The following CDH4 variants were observed in gnomAD, a reference collection of about 807,000 sequenced individuals.
The protein encoded by CDH4 is cadherin 4.
CDH4 carries 33 observed loss-of-function variants against 86.0 expected under a neutral mutation model. The observed-to-expected ratio is 0.38, with a 90% confidence interval of 0.29 to 0.51. CDH4 has a LOEUF of 0.51. Ranked by LOEUF, CDH4 falls within the 20% of genes least tolerant of loss-of-function variation. The pLI, the probability that CDH4 is intolerant of heterozygous loss-of-function variation, is 0.86. For missense variants in CDH4, 1,114 were observed against 1,307.4 expected (o/e 0.85, Z 2.28); for synonymous variants, 555 against 549.4 (o/e 1.01, Z -0.14).
intron 2 of CDH4, among the ~76,000 whole-genome samples, chr20:61,723,972 T>C (rs1454387411): frequency 2.0e-5 from 2 of 101,338 alleles, no homozygotes; most frequent in East Asian, 3.4e-4. Flanking sequence ...GGAGGCTCCA[T>C]GTGGCAGGGG....
rs541569655 is a variant in CDH4, at chr20:61,595,130, G to C, written c.170-148433G>C. ...AATCAGGACCTGTGCAGCGCCCCAG[G>C]ACCTCCCACCCTTGGGTCCACCTGA... On this transcript the variant is annotated intron_variant, in intron 2 of 15. Transcript: ENST00000614565. Among the ~76,000 whole-genome samples the C allele has an allele frequency of 1.3e-4, 20 of 152,328 alleles. No homozygotes were observed. In the South Asian group the frequency reaches 4.1e-3, roughly 32 times the overall value.
chr20:61,869,534 G>A (rs1352426134), intron 6 of CDH4, among the ~76,000 whole-genome samples: 1 of 152,172 alleles, frequency 6.6e-6, no homozygotes, highest in African/African-American at 2.4e-5. Context: ...CTCGTCTGTG[G>A]GATTCAGTTT....
intron 2 of CDH4, among the ~76,000 whole-genome samples, chr20:61,693,987 G>A (rs1478714059): frequency 6.8e-6 from 1 of 146,632 alleles, no homozygotes; most frequent in East Asian, 2.0e-4. Context: ...CCACCTCCCA[G>A]GTTCAAGCGA....
chr20:61,838,416 C>A (rs1299540727), intron 4 of CDH4, among the ~76,000 whole-genome samples: 1 of 152,124 alleles, frequency 6.6e-6, no homozygotes, highest in Non-Finnish European at 1.5e-5. Flanking sequence ...CCAAGAAGCT[C>A]AAGCAGGAGC....
At chr20:61,408,627 A>C (rs2085097588) in intron 2 of CDH4, among the ~76,000 whole-genome samples, 1 of 152,158 alleles carries the variant, frequency 6.6e-6, no homozygotes, top group African/African-American at 2.4e-5. Context: ...AGTGAGCGTC[A>C]TGGAGACAGT....
In CDH4 at chr20:61,418,951, T is replaced by C. The variant is rs1251929388; in HGVS notation, c.169+164014T>C. Among the ~76,000 whole-genome samples the C allele has an allele frequency of 2.6e-5, 4 of 152,300 alleles. No individual in the cohort carries two copies. In the East Asian group the frequency reaches 7.7e-4, roughly 29 times the overall value. ...ATCTCTGCCTTGGCCCTCATACCAC[T>C]TTTTCTGTGTGTCTGTGACTTCTCT... On this transcript the variant is annotated intron_variant, in intron 2 of 15. Transcript: ENST00000614565.
At chr20:61,812,745 CG>C (rs1349187816) in intron 4 of CDH4, among the ~76,000 whole-genome samples, 1 of 152,194 alleles carries the variant, frequency 6.6e-6, no homozygotes, top group Non-Finnish European at 1.5e-5. Flanking sequence ...GCATTTTCCA[CG>C]ATTTGCATTT....
intron 2 of CDH4, among the ~76,000 whole-genome samples, chr20:61,534,082 A>G (rs182644515): frequency 4.3e-4 from 65 of 152,376 alleles, no homozygotes; most frequent in African/African-American, 1.5e-3. Context: ...CTCAATTTCT[A>G]TCTTAAATCA....
chr20:61,863,447 G>A (rs112683783), intron 6 of CDH4, among the ~76,000 whole-genome samples: 3 of 152,166 alleles, frequency 2.0e-5, no homozygotes, highest in African/African-American at 7.2e-5. Context: ...AACTCACCTG[G>A]GCACCCCAGG....
intron 7 of CDH4, among the ~76,000 whole-genome samples, chr20:61,884,017 G>A (rs150285686): frequency 6.6e-5 from 10 of 152,178 alleles, no homozygotes; most frequent in Non-Finnish European, 7.4e-5. Flanking sequence ...CCCAACAGCA[G>A]GCCGAGGGAG....
At chr20:61,453,645 G>A (rs2085391982) in intron 2 of CDH4, among the ~76,000 whole-genome samples, 2 of 152,200 alleles carry the variant, frequency 1.3e-5, no homozygotes, top group South Asian at 2.1e-4. Flanking sequence ...TCTGCAGGCT[G>A]TAGATTTGAT....
intron 2 of CDH4, among the ~76,000 whole-genome samples, chr20:61,464,796 G>T (rs1169321122): frequency 6.6e-6 from 1 of 152,180 alleles, no homozygotes; most frequent in Non-Finnish European, 1.5e-5. Context: ...AGCATCCACT[G>T]GGGGGTGGAG....
intron 2 of CDH4, among the ~76,000 whole-genome samples, chr20:61,288,623 C>T (rs529505188): frequency 5.9e-5 from 9 of 152,316 alleles, no homozygotes; most frequent in Admixed American, 3.9e-4. Flanking sequence ...GCGGTTACCA[C>T]GGGGCCAGGC....
chr20:61,600,043 CCTCT>C (rs1285247512), intron 2 of CDH4: 21 of 790,418 alleles, frequency 2.7e-5, no homozygotes, highest in Non-Finnish European at 3.1e-5. Context: ...AATTTAAGAG[CCTCT>C]CTATTTGAAC....
chr20:61,851,162 T>A (rs1982708668), intron 5 of CDH4, among the ~76,000 whole-genome samples: 1 of 152,150 alleles, frequency 6.6e-6, no homozygotes, highest in African/African-American at 2.4e-5. Flanking sequence ...TGTTTAAACA[T>A]GATATGTAAA....
chr20:61,381,451 A>G (rs1310492817), intron 2 of CDH4, among the ~76,000 whole-genome samples: 1 of 152,244 alleles, frequency 6.6e-6, no homozygotes, highest in Non-Finnish European at 1.5e-5. Context: ...TAACAAAAAC[A>G]TCCACTTAGC....
intron 2 of CDH4, among the ~76,000 whole-genome samples, chr20:61,300,783 A>T (rs1450205735): frequency 6.6e-6 from 1 of 152,142 alleles, no homozygotes; most frequent in Non-Finnish European, 1.5e-5. Context: ...TCCCAGGACA[A>T]CTGTCTGTTT....
intron 2 of CDH4, among the ~76,000 whole-genome samples, chr20:61,521,540 C>T (rs1052377710): frequency 5.9e-5 from 9 of 152,140 alleles, no homozygotes; most frequent in African/African-American, 1.9e-4. Flanking sequence ...TCCAGGGGGC[C>T]GCCAAGAAAA....
chr20:61,573,330 C>T (rs570219772), intron 2 of CDH4, among the ~76,000 whole-genome samples: 1 of 152,234 alleles, frequency 6.6e-6, no homozygotes, highest in South Asian at 2.1e-4. Context: ...GGTGGATGCC[C>T]ATGGCTCTTA....
Sources: allele counts gnomAD v4.1 joint callset (sites outside exome capture counted in the v4.1 genomes callset), GRCh38; gene constraint gnomAD v4.1.1; transcripts MANE v1.5; gene names NCBI Gene and HGNC (gene_info 2026-07-23, HGNC 2026-07-21).